PBX1: variants seen among roughly 807,000 people sequenced by gnomAD.
The protein encoded by PBX1 is pre-B-cell leukemia transcription factor 1.
In PBX1, 6 loss-of-function variants were observed where a neutral mutation model predicts 53.4. The observed-to-expected ratio is 0.11, with a 90% confidence interval of 0.06 to 0.22. The LOEUF (loss-of-function observed/expected upper bound fraction) is 0.22, where lower values mean the gene tolerates loss of function less well. Among genes scored for constraint, PBX1 ranks in the 10% least tolerant of loss-of-function variants. PBX1 has a pLI of 1.00. For missense variants in PBX1, 251 were observed against 551.4 expected (o/e 0.46, Z 5.46); for synonymous variants, 204 against 212.3 (o/e 0.96, Z 0.34).
intron 6 of PBX1, chr1:164,813,487 C>A (rs901893221): frequency 2.6e-5 from 4 of 152,174 alleles, no homozygotes; most frequent in Non-Finnish European, 5.9e-5. Context: ...CTAACAGGTT[C>A]AATAACCAGA....
chr1:164,701,386 A>G (rs2102049370), intron 2 of PBX1, among the ~76,000 whole-genome samples: 1 of 152,354 alleles, frequency 6.6e-6, no homozygotes, highest in South Asian at 2.1e-4. Context: ...TTCAGAAAAG[A>G]AAGTGTGATG....
At chr1:164,699,102 C>G (rs1411470045) in intron 2 of PBX1, among the ~76,000 whole-genome samples, 3 of 152,160 alleles carry the variant, frequency 2.0e-5, no homozygotes, top group Admixed American at 1.3e-4. Context: ...CATGCGTGCT[C>G]TCACATAGCA....
intron 8 of PBX1, among the ~76,000 whole-genome samples, chr1:164,839,037 C>T (rs1030117725): frequency 3.3e-5 from 5 of 152,202 alleles, no homozygotes; most frequent in African/African-American, 1.2e-4. Context: ...GCTTCACTTA[C>T]CACTGTTCTC....
chr1:164,603,575 A>AT (rs2101806674), intron 2 of PBX1, among the ~76,000 whole-genome samples: 1 of 152,360 alleles, frequency 6.6e-6, no homozygotes, highest in African/African-American at 2.4e-5. Context: ...TCAATGTAAT[A>AT]TGTGTTTTTA....
chr1:164,634,936 T>C (rs900003641), intron 2 of PBX1, among the ~76,000 whole-genome samples: 2 of 152,018 alleles, frequency 1.3e-5, no homozygotes, highest in African/African-American at 2.4e-5. Flanking sequence ...CTTAGCATCA[T>C]AGGTGACAAG....
At position 164,757,454 on chromosome 1, in the gene PBX1, A is replaced by T. The variant is rs182696746; in HGVS notation, c.266-35040A>T. Among the ~76,000 whole-genome samples the T allele has an allele frequency of 4.6e-5, 7 of 152,344 alleles. No individual in the cohort carries two copies. The East Asian group carries it at 7.7e-4, about 17-fold the overall frequency. On this transcript the variant is annotated intron_variant, in intron 2 of 8. Transcript: ENST00000420696. Reference sequence around the variant, plus strand: ...TTCAGTTACTGTCTGAAGTTTGACCAGATAGGGAAGATCAAGGGGTTCCTT... The same window carrying T: ...TTCAGTTACTGTCTGAAGTTTGACCTGATAGGGAAGATCAAGGGGTTCCTT...
At chr1:164,876,212 TATA>T (rs1241936816) in intron 2 of PBX1, among the ~76,000 whole-genome samples, 2 of 151,996 alleles carry the variant, frequency 1.3e-5, no homozygotes, top group East Asian at 3.9e-4. Flanking sequence ...ATCATAATAA[TATA>T]GTAGTATGCT....
chr1:164,823,879 T>C (rs1670289813), intron 8 of PBX1, among the ~76,000 whole-genome samples: 1 of 152,134 alleles, frequency 6.6e-6, no homozygotes, highest in Non-Finnish European at 1.5e-5. Context: ...TCTTTTGATA[T>C]CAGTTTTAAA....
chr1:164,621,745 AGAAAGGT>A (rs1657693161), intron 2 of PBX1, among the ~76,000 whole-genome samples: 1 of 152,206 alleles, frequency 6.6e-6, no homozygotes, highest in South Asian at 2.1e-4. Flanking sequence ...ATACCTGAAC[AGAAAGGT>A]TTCTGTGGTT....
At chr1:164,885,730 TC>T (rs1672762284) in intron 2 of PBX1, among the ~76,000 whole-genome samples, 1 of 151,462 alleles carries the variant, frequency 6.6e-6, no homozygotes, top group Non-Finnish European at 1.5e-5. Context: ...GGACAGTCTT[TC>T]CCAGATATCC....
In PBX1 at chr1:164,736,680, G is replaced by A. The variant is rs182415631; in HGVS notation, c.266-55814G>A. Among the ~76,000 whole-genome samples, 229 of 152,236 alleles carry A rather than the reference G, an allele frequency of 1.5e-3. 2 individuals are homozygous for A. Among genetic ancestry groups the A allele is most frequent in the Non-Finnish European group, 2.9e-3 (199 of 68,024 alleles). ...AAGAATAATTGTGAAGCAAATATGA[G>A]GCAGACAAGATGGACAGATGGAGGA... On this transcript the variant is annotated intron_variant, in intron 2 of 8. Coordinates refer to ENST00000420696, the MANE Select transcript of PBX1 (RefSeq NM_002585.4).
At chr1:164,821,114 G>T (rs989960777) in intron 7 of PBX1, among the ~76,000 whole-genome samples, 2 of 152,208 alleles carry the variant, frequency 1.3e-5, no homozygotes, top group Non-Finnish European at 2.9e-5. Flanking sequence ...TGAGATGGCT[G>T]CCCAAACCTC....
chr1:164,698,764 A>G (rs1662935189), intron 2 of PBX1, among the ~76,000 whole-genome samples: 1 of 152,172 alleles, frequency 6.6e-6, no homozygotes, highest in African/African-American at 2.4e-5. Flanking sequence ...ATACATGATA[A>G]TCTCTAACAT....
Position 164,850,188 on chromosome 1 carries a change from C to T in PBX1, c.*3512C>T. The T allele has an allele frequency of 4.4e-6, 1 of 227,562 alleles. No homozygotes were observed. The highest frequency in any genetic ancestry group is 8.7e-6 in the Non-Finnish European group (1 of 114,576). 14.1% of individuals were successfully genotyped at this position (227,562 alleles called of 1,614,324 possible). A position where few individuals can be genotyped will look rare whatever the true frequency, so the allele number is the denominator to read the frequency against. On this transcript the variant is annotated 3_prime_UTR_variant, in exon 9 of 9. Coordinates refer to ENST00000420696, the MANE Select transcript of PBX1 (RefSeq NM_002585.4). Reference sequence around the variant, plus strand: ...GCATCATTCCTGCATTAGTTTTTAACACCAGACTACCTACATTCATCATTT... The same window carrying T: ...GCATCATTCCTGCATTAGTTTTTAATACCAGACTACCTACATTCATCATTT...
At chr1:164,668,485 A>AGG (rs1660938231) in intron 2 of PBX1, among the ~76,000 whole-genome samples, 1 of 152,084 alleles carries the variant, frequency 6.6e-6, no homozygotes, top group African/African-American at 2.4e-5. Context: ...GAGAAATACA[A>AGG]GGTCTCCCAG....
At chr1:164,883,551 A>G (rs1304652139) in intron 2 of PBX1, among the ~76,000 whole-genome samples, 1 of 152,186 alleles carries the variant, frequency 6.6e-6, no homozygotes, top group Non-Finnish European at 1.5e-5. Flanking sequence ...ACATATATGT[A>G]TACAATTACT....
intron 6 of PBX1, chr1:164,817,367 C>G (rs1028819472): frequency 3.3e-5 from 5 of 152,178 alleles, no homozygotes; most frequent in Non-Finnish European, 7.3e-5. Context: ...GAGAACATGT[C>G]CTCCCCTTGT....
intron 2 of PBX1, among the ~76,000 whole-genome samples, chr1:164,746,585 C>T (rs1317027496): frequency 1.3e-5 from 2 of 151,948 alleles, no homozygotes; most frequent in Non-Finnish European, 2.9e-5. Context: ...CCACATTGGC[C>T]AGGCTGTTCT....
At chr1:164,646,911 G>A (rs982694235) in intron 2 of PBX1, among the ~76,000 whole-genome samples, 5 of 152,214 alleles carry the variant, frequency 3.3e-5, no homozygotes, top group African/African-American at 1.2e-4. Flanking sequence ...CACATGCTGT[G>A]CACTCATACC....
Sources: gnomAD v4.1 joint callset for allele counts (sites outside exome capture counted in the v4.1 genomes callset) on GRCh38, gnomAD v4.1.1 for gene constraint, MANE v1.5 for transcripts, NCBI Gene and HGNC (gene_info 2026-07-23, HGNC 2026-07-21) for gene names.